Variants in RBFOX1 observed in about 807,000 individuals in gnomAD.
RBFOX1 encodes RNA binding fox-1 homolog 1.
In RBFOX1, 8 loss-of-function variants were observed where a neutral mutation model predicts 57.7. The ratio of observed to expected loss-of-function variants is 0.14; its 90% CI spans 0.08 to 0.25. The LOEUF (loss-of-function observed/expected upper bound fraction) is 0.25. RBFOX1 is among the 10% of genes least tolerant of loss of function. The pLI is 1.00. For missense variants in RBFOX1, 611 were observed against 548.5 expected, an observed-to-expected ratio of 1.11 and a Z score of -1.14; for synonymous variants, 326 against 222.4, an observed-to-expected ratio of 1.47 and a Z score of -4.15.
intron 4 of RBFOX1, among the ~76,000 whole-genome samples, chr16:7,132,501 A>G (rs2070764956): frequency 6.6e-6 from 1 of 151,090 alleles, no homozygotes; most frequent in Non-Finnish European, 1.5e-5. Flanking sequence ...ATCTTGAATA[A>G]CATAAGACAA....
chr16:6,298,235 G>T (rs150951838), intron 1 of RBFOX1, among the ~76,000 whole-genome samples: 1 of 152,172 alleles, frequency 6.6e-6, no homozygotes, highest in African/African-American at 2.4e-5. Flanking sequence ...CATGTCCTGC[G>T]AGGGGGTCAG....
Position 7,182,114 on chromosome 16 carries a change from A to T in RBFOX1, c.27+130016A>T, listed in dbSNP as rs2082838395. ...TCATGACAGTTCTTTAGTCATTGTC[A>T]GTGATTCGTAGTTGTCTCATAAAAT... On this transcript the variant is annotated intron_variant, in intron 4 of 15. Coordinates refer to ENST00000550418, the MANE Select transcript of RBFOX1 (RefSeq NM_018723.4). 2.6e-5 allele frequency among the ~76,000 whole-genome samples: 4 copies of T among 152,202 alleles called. No homozygotes were observed. In the South Asian group the frequency reaches 8.3e-4, roughly 31 times the overall value.
intron 4 of RBFOX1, among the ~76,000 whole-genome samples, chr16:5,872,217 A>T (rs1182911550): frequency 1.3e-5 from 2 of 152,206 alleles, no homozygotes; most frequent in Non-Finnish European, 2.9e-5. Flanking sequence ...AGAACCTAGC[A>T]CATTTAACAA....
chr16:5,554,480 A>T (rs143491700), intron 2 of RBFOX1, among the ~76,000 whole-genome samples: 1 of 152,302 alleles, frequency 6.6e-6, no homozygotes, highest in African/African-American at 2.4e-5. Flanking sequence ...AAAAATACAA[A>T]CCATATAAAA....
intron 2 of RBFOX1, among the ~76,000 whole-genome samples, chr16:6,323,778 CTT>C (rs375991151): frequency 2.1e-5 from 3 of 144,346 alleles, no homozygotes; most frequent in Admixed American, 1.4e-4. Flanking sequence ...GAAGTCTGTG[CTT>C]TTTTTTTTTT....
intron 3 of RBFOX1, among the ~76,000 whole-genome samples, chr16:6,802,204 G>A (rs1457956184): frequency 1.3e-5 from 2 of 152,084 alleles, no homozygotes; most frequent in Non-Finnish European, 2.9e-5. Context: ...TTGTAGATGG[G>A]CTCTGGCTGC....
intron 3 of RBFOX1, among the ~76,000 whole-genome samples, chr16:6,839,196 G>T (rs113233725): frequency 6.6e-6 from 1 of 151,516 alleles, no homozygotes; most frequent in East Asian, 1.9e-4. Context: ...TGTTGGCCAG[G>T]CTGTTCTCGA....
intron 4 of RBFOX1, among the ~76,000 whole-genome samples, chr16:7,453,876 C>G (rs2057924576): frequency 6.6e-6 from 1 of 152,162 alleles, no homozygotes; most frequent in Admixed American, 6.5e-5. Flanking sequence ...TCACCAAAGG[C>G]TAGAAGTTGT....
At position 6,026,771 on chromosome 16, in the gene RBFOX1, G is replaced by T. The variant is rs1459692191; in HGVS notation, c.-127+6779G>T. Among the ~76,000 whole-genome samples, 4 of 152,210 alleles carry T rather than the reference G, an allele frequency of 2.6e-5. No homozygotes were observed. The East Asian group carries it at 5.8e-4, about 22-fold the overall frequency. Reference sequence around the variant, plus strand: ...CCTTGGAGTCTCAAGGCCCTGGGTTGCCCAGGGCATCTCTGGCCTCTTTAT... The same window carrying T: ...CCTTGGAGTCTCAAGGCCCTGGGTTTCCCAGGGCATCTCTGGCCTCTTTAT... On this transcript the variant is annotated intron_variant, in intron 1 of 15. Transcript: ENST00000550418.
chr16:6,340,806 C>G (rs1244892313), intron 2 of RBFOX1, among the ~76,000 whole-genome samples: 1 of 152,198 alleles, frequency 6.6e-6, no homozygotes, highest in African/African-American at 2.4e-5. Flanking sequence ...AGGTCTTAGC[C>G]TCCTTTTACG....
At chr16:7,389,019 TC>T (rs1370154618) in intron 4 of RBFOX1, among the ~76,000 whole-genome samples, 2 of 152,218 alleles carry the variant, frequency 1.3e-5, no homozygotes, top group African/African-American at 4.8e-5. Context: ...TGATACAAGT[TC>T]TTTGGAGAGC....
intron 4 of RBFOX1, among the ~76,000 whole-genome samples, chr16:7,353,176 T>C (rs943085887): frequency 6.6e-6 from 1 of 152,228 alleles, no homozygotes; most frequent in African/African-American, 2.4e-5. Context: ...GTAGCCTAAA[T>C]TGATTCACAA....
chr16:7,424,031 C>G (rs574986708), intron 4 of RBFOX1, among the ~76,000 whole-genome samples: 11 of 152,282 alleles, frequency 7.2e-5, no homozygotes, highest in African/African-American at 2.6e-4. Flanking sequence ...ATTTATATAA[C>G]TTAAGCACAA....
In RBFOX1 at chr16:7,201,528, C is replaced by T. The variant is rs191701183; in HGVS notation, c.27+149430C>T. On this transcript the variant is annotated intron_variant, in intron 4 of 15. Coordinates refer to ENST00000550418, the MANE Select transcript of RBFOX1 (RefSeq NM_018723.4). ...CCAGGCTGGAGTGCAATGGCACAAT[C>T]TGGGCTCACTGCAACCTCTGCCCCA... 4.6e-5 allele frequency among the ~76,000 whole-genome samples: 7 copies of T among 151,294 alleles called. No homozygotes were observed. In the East Asian group the frequency reaches 1.4e-3, roughly 30 times the overall value.
chr16:7,584,454 G>A (rs117749941), intron 6 of RBFOX1, among the ~76,000 whole-genome samples: 2,593 of 152,140 alleles, frequency 0.017, 36 homozygotes, highest in Non-Finnish European at 0.025. Flanking sequence ...CACCATGACT[G>A]GGTAATTTTT....
chr16:5,973,136 A>T (rs767133812), intron 4 of RBFOX1, among the ~76,000 whole-genome samples: 2 of 152,186 alleles, frequency 1.3e-5, no homozygotes, highest in Non-Finnish European at 2.9e-5. Flanking sequence ...ATTCTACCTT[A>T]TGATATTGGT....
At chr16:7,507,755 C>G (rs1876338) in intron 4 of RBFOX1, among the ~76,000 whole-genome samples, 2 of 151,618 alleles carry the variant, frequency 1.3e-5, no homozygotes, top group Admixed American at 6.6e-5. Flanking sequence ...AGTAGAGACG[C>G]GGTTTCACCG....
intron 2 of RBFOX1, among the ~76,000 whole-genome samples, chr16:6,588,672 G>A (rs983638164): frequency 6.6e-6 from 1 of 152,072 alleles, no homozygotes; most frequent in Non-Finnish European, 1.5e-5. Flanking sequence ...AATGAGAAAT[G>A]CACCTTCCTC....
At chr16:6,484,435 G>T (rs1042592706) in intron 2 of RBFOX1, among the ~76,000 whole-genome samples, 1 of 143,426 alleles carries the variant, frequency 7.0e-6, no homozygotes, top group Non-Finnish European at 1.6e-5. Context: ...GCTTCGACTT[G>T]AGAAATAAGC....
Sources: gnomAD v4.1 joint callset for allele counts (sites outside exome capture counted in the v4.1 genomes callset) on GRCh38, gnomAD v4.1.1 for gene constraint, MANE v1.5 for transcripts, NCBI Gene and HGNC (gene_info 2026-07-23, HGNC 2026-07-21) for gene names.